The following RPGR variants were observed in gnomAD, a reference collection of about 807,000 sequenced individuals.
RPGR encodes the protein retinitis pigmentosa GTPase regulator.
A neutral mutation model predicts 56.3 loss-of-function variants in RPGR; 10 were observed. The observed-to-expected ratio is 0.18, with a 90% CI of 0.11 to 0.30. The LOEUF is 0.30. Ranked by LOEUF, RPGR falls within the 10% of genes least tolerant of loss-of-function variation. RPGR has a pLI of 1.00. For synonymous variants in RPGR, 197 were observed against 212.9 expected (o/e 0.93, Z 0.65); for missense variants, 538 against 590.9 (o/e 0.91, Z 0.93).
At chrX:38,270,772 G>GA (rs1491156270) in intron 18 of RPGR, among the ~76,000 whole-genome samples, 1 of 110,615 alleles carries the variant, frequency 9.0e-6, no homozygotes, top group African/African-American at 3.3e-5. Context: ...GCTGAGAGAT[G>GA]AAAGTAGCCC....
At chrX:38,327,237 A>G in intron 1 of RPGR, 103 bp downstream of exon 1, 1 of 869,011 alleles carries the variant, frequency 1.2e-6, no homozygotes, top group Non-Finnish European at 1.6e-6. Context: ...TCCGGCTGCC[A>G]AGCCTGGGGC....
intron 7 of RPGR, chrX:38,308,125 C>G (rs1280557504): frequency 9.0e-6 from 1 of 111,702 alleles, no homozygotes; most frequent in Admixed American, 9.6e-5. Context: ...TGTATTCCCC[C>G]ATTCAATGTT....
intron 11 of RPGR, among the ~76,000 whole-genome samples, chrX:38,294,646 A>C (rs751845594): frequency 8.9e-6 from 1 of 111,809 alleles, no homozygotes; most frequent in Admixed American, 9.5e-5. Context: ...ACAGATCTCA[A>C]ATTTCTTCCT....
At chrX:38,284,363 C>A (rs2067089345) in intron 15 of RPGR, 45 bp downstream of exon 15, 11 of 565,260 alleles carry the variant, frequency 1.9e-5, no homozygotes, top group Non-Finnish European at 2.4e-5. Context: ...AATTCAGTAT[C>A]TAATACTAGA....
At position 38,279,128 on chromosome X, in the gene RPGR, A is replaced by G. The variant is rs1279722657; in HGVS notation, c.1906-2356T>C. The G allele has an allele frequency of 1.5e-5, 5 of 327,762 alleles. No homozygotes were observed. In the Admixed American group the frequency reaches 1.6e-4, roughly 10 times the overall value. 27.0% of individuals were successfully genotyped at this position (327,762 alleles called of 1,213,427 possible). On this transcript the variant is annotated intron_variant, in intron 15 of 18. Transcript: ENST00000642395. ...AAGCACATTTAAAATTATTCTAAAC[A>G]CATCTGGACGACTACTTGAAGTCAC... is the stretch of plus-strand genomic sequence containing the variant.
intron 11 of RPGR, among the ~76,000 whole-genome samples, chrX:38,294,018 T>C (rs1450261553): frequency 1.8e-5 from 2 of 111,366 alleles, no homozygotes; most frequent in Non-Finnish European, 1.9e-5. Context: ...CTGCTCATCT[T>C]ATCTCCTCTT....
chrX:38,321,015 T>G lies in RPGR; in HGVS notation c.310+12A>C. The G allele has an allele frequency of 2.5e-6, 3 of 1,183,277 alleles. No individual in the cohort carries two copies. Among genetic ancestry groups the G allele is most frequent in the Non-Finnish European group, 3.5e-6 (3 of 869,389 alleles). On this transcript the variant is annotated intron_variant, in intron 4 of 18. Coordinates refer to ENST00000642395, the MANE Select transcript of RPGR (RefSeq NM_000328.3). The stretch of plus-strand genomic sequence containing the variant: ...AAGTCAGGCAGGAAATCATACAGGT[T>G]GAGCACTATACCTGTTGACACCAGG...
intron 15 of RPGR, among the ~76,000 whole-genome samples, chrX:38,280,804 C>A (rs1007423607): frequency 1.8e-5 from 2 of 110,408 alleles, no homozygotes; most frequent in African/African-American, 6.6e-5. Flanking sequence ...CAAAGTTCTG[C>A]GATTACAGGT....
At chrX:38,270,848 T>G (rs1962891752) in intron 18 of RPGR, among the ~76,000 whole-genome samples, 1 of 107,771 alleles carries the variant, frequency 9.3e-6, no homozygotes, top group Non-Finnish European at 1.9e-5. Context: ...AAGAGCAGAG[T>G]GAGAGGCAGG....
At chrX:38,306,536 T>C (rs1448267110) in intron 7 of RPGR, among the ~76,000 whole-genome samples, 1 of 112,387 alleles carries the variant, frequency 8.9e-6, no homozygotes, top group Non-Finnish European at 1.9e-5. Flanking sequence ...GAAAATATGC[T>C]GTATCAAAGA....
chrX:38,324,991 G>A (rs1453843143), intron 1 of RPGR, among the ~76,000 whole-genome samples: 1 of 106,359 alleles, frequency 9.4e-6, no homozygotes, highest in Non-Finnish European at 1.9e-5. Context: ...CCAACGTGGT[G>A]AAACCCCGTG....
chrX:38,288,356 G>A (rs776436966), intron 13 of RPGR, among the ~76,000 whole-genome samples: 7 of 111,579 alleles, frequency 6.3e-5, no homozygotes, highest in Non-Finnish European at 1.3e-4. Flanking sequence ...TTCTCAATCC[G>A]AATCAATCCT....
intron 15 of RPGR, among the ~76,000 whole-genome samples, chrX:38,277,885 G>A (rs1028992387): frequency 2.7e-5 from 3 of 111,957 alleles, no homozygotes; most frequent in Non-Finnish European, 3.8e-5. Flanking sequence ...AAATGCGAGA[G>A]TCCAGGCTAG....
Position 38,276,813 on chromosome X carries a change from T to C in RPGR, c.1906-41A>G, listed in dbSNP as rs770748844. On this transcript the variant is annotated intron_variant, in intron 15 of 18. Transcript: ENST00000642395. ...CCATCAGAGAAGAGTAAGATTTTCT[T>C]GTTAAAAAACGAGGGATTTGATATT... is the stretch of plus-strand genomic sequence containing the variant. 2.7e-6 allele frequency: 3 copies of C among 1,099,934 alleles called. No individual in the cohort carries two copies. In the East Asian group the frequency reaches 9.0e-5, roughly 33 times the overall value. 90.6% of individuals were successfully genotyped at this position (1,099,934 alleles called of 1,213,427 possible). A position where few individuals can be genotyped will look rare whatever the true frequency, so the allele number is the denominator to read the frequency against.
intron 9 of RPGR, among the ~76,000 whole-genome samples, chrX:38,300,561 GAGTC>G (rs2067484075): frequency 9.0e-6 from 1 of 111,175 alleles, no homozygotes; most frequent in Non-Finnish European, 1.9e-5. Flanking sequence ...TTTTGAGACA[GAGTC>G]TCACTGTCAC....
At chrX:38,307,979 C>G (rs1399395366) in intron 7 of RPGR, 3 of 111,898 alleles carry the variant, frequency 2.7e-5, no homozygotes, top group Non-Finnish European at 5.6e-5. Context: ...TCTATTGGTT[C>G]TCATAATTTT....
At chrX:38,318,678 T>G in intron 5 of RPGR, 151 bp downstream of exon 5, 1 of 581,061 alleles carries the variant, frequency 1.7e-6, no homozygotes, top group Non-Finnish European at 2.8e-6. Flanking sequence ...TATGTCAAGA[T>G]TTAAAGTTAT....
chrX:38,327,435 A>C lies in RPGR; in HGVS notation c.-68T>G. 1 of 1,055,861 alleles carries C rather than the reference A, an allele frequency of 9.5e-7. No individual in the cohort carries two copies. The highest frequency in any genetic ancestry group is 1.3e-6 in the Non-Finnish European group (1 of 786,005). The allele number at this position is 1,055,861 out of a possible 1,213,427, so 87.0% of individuals were successfully genotyped here. Reference sequence around the variant, plus strand: ...GTAGAGGACGGTTTGGTCGGGGCTAAAGCAGCTACTCCGCACCGACGCGGG... The same window carrying C: ...GTAGAGGACGGTTTGGTCGGGGCTACAGCAGCTACTCCGCACCGACGCGGG... On this transcript the variant is annotated 5_prime_UTR_variant, in exon 1 of 19. Coordinates refer to ENST00000642395, the MANE Select transcript of RPGR (RefSeq NM_000328.3).
chrX:38,327,298 C>T, intron 1 of RPGR, 42 bp downstream of exon 1: 2 of 1,162,615 alleles, frequency 1.7e-6, no homozygotes, highest in East Asian at 3.2e-5. Flanking sequence ...GCCCGCGGAC[C>T]CTCCCTCCCG....
Sources: gnomAD v4.1 joint callset for allele counts (sites outside exome capture counted in the v4.1 genomes callset) on GRCh38, gnomAD v4.1.1 for gene constraint, MANE v1.5 for transcripts, NCBI Gene and HGNC (gene_info 2026-07-23, HGNC 2026-07-21) for gene names.